Variants in RGS12 observed in about 807,000 individuals in gnomAD.
The protein encoded by RGS12 is regulator of G protein signaling 12.
Under a neutral mutation model 120.1 loss-of-function variants are expected in RGS12, and 66 were observed. The ratio of observed to expected loss-of-function variants is 0.55; its 90% CI spans 0.45 to 0.67. The LOEUF (loss-of-function observed/expected upper bound fraction) is 0.67, where lower values mean the gene tolerates loss of function less well. RGS12 is among the 30% of genes least tolerant of loss of function. The pLI, the probability that RGS12 is intolerant of heterozygous loss-of-function variation, is 0.00. For synonymous variants in RGS12, 827 were observed against 804.7 expected (o/e 1.03, Z -0.47); for missense variants, 1,859 against 1,957.7 (o/e 0.95, Z 0.95).
chr4:3,373,705 T>G (rs530022458), intron 3 of RGS12, among the ~76,000 whole-genome samples: 3 of 152,156 alleles, frequency 2.0e-5, no homozygotes, highest in Non-Finnish European at 4.4e-5. Flanking sequence ...GCTGTATCGG[T>G]CAGCTTACCT....
rs1722388303 is a variant in RGS12 at position 3,416,262 on chromosome 4, G to A, written c.2427+141G>A. The A allele has an allele frequency of 1.2e-5, 12 of 990,304 alleles. No individual in the cohort carries two copies. In the Middle Eastern group the frequency reaches 8.8e-4, roughly 73 times the overall value. 61.3% of individuals were successfully genotyped at this position (990,304 alleles called of 1,614,324 possible). A position where few individuals can be genotyped will look rare whatever the true frequency, so the allele number is the denominator to read the frequency against. On this transcript the variant is annotated intron_variant, in intron 7 of 17. Transcript: ENST00000336727. ...GCAGGTAGAGAAACGCAGACAGAAA[G>A]TGGGGCTTTCAGTAGGGTAGAGAAA... is the stretch of plus-strand genomic sequence containing the variant.
rs1578860455 is a variant in RGS12, at chr4:3,374,729, C to T, written c.1999-11687C>T. ...ACTTTCTCACCCCCATTGCTGCAGC[C>T]TGCCCTCGTCCCCATCTCTTGCCTG... On this transcript the variant is annotated intron_variant, in intron 3 of 17. Coordinates refer to ENST00000336727, the MANE Select transcript of RGS12 (RefSeq NM_001394154.1). This position sits in a 1 kb window ranked among gnomAD's most constrained non-coding sequence, Gnocchi z 6.3. Among the ~76,000 whole-genome samples the T allele has an allele frequency of 1.3e-5, 2 of 152,060 alleles. No individual in the cohort carries two copies. Among genetic ancestry groups the T allele is most frequent in the Admixed American group, 1.3e-4 (2 of 15,268 alleles).
intron 3 of RGS12, among the ~76,000 whole-genome samples, chr4:3,383,131 G>T (rs922213347): frequency 6.6e-6 from 1 of 152,112 alleles, no homozygotes; most frequent in Non-Finnish European, 1.5e-5. Context: ...TACTCCCCGA[G>T]GGCCATGGCT....
intron 3 of RGS12, among the ~76,000 whole-genome samples, chr4:3,360,321 TTTG>T (rs1202938624): frequency 6.6e-6 from 1 of 152,148 alleles, no homozygotes; most frequent in Non-Finnish European, 1.5e-5. Context: ...CCAACTAGGT[TTTG>T]TTAATTTTTT....
chr4:3,384,837 A>G (rs571461666), intron 3 of RGS12, among the ~76,000 whole-genome samples: 1 of 152,288 alleles, frequency 6.6e-6, no homozygotes, highest in South Asian at 2.1e-4. Flanking sequence ...TAGCTGGTGT[A>G]GGTCGCAGGG....
At position 3,417,448 on chromosome 4, in the gene RGS12, G is replaced by A. The variant is rs766046872; in HGVS notation, c.2668G>A (p.Glu890Lys). The A allele has an allele frequency of 1.7e-5, 27 of 1,611,692 alleles. No homozygotes were observed. Among genetic ancestry groups the A allele is most frequent in the Middle Eastern group, 1.6e-4 (1 of 6,070 alleles). The change falls in exon 9 of 18, where the codon GAG becomes AAG. Residue 890 changes from glutamate to lysine, a missense_variant. Transcript: ENST00000336727. ...TGAAGAGCTGGGGGATGAGGACAGC[G>A]AGAAGAAGCGGAAAGGCGCGTTTTT... ...LNEELGDEDS[E>K]KKRKGAFFSW...
chr4:3,302,105 C>T (rs1158044559), intron 1 of RGS12, among the ~76,000 whole-genome samples: 1 of 151,672 alleles, frequency 6.6e-6, no homozygotes, highest in African/African-American at 2.4e-5. Context: ...AAGTCAAATA[C>T]AAATGGAAAG....
At chr4:3,384,979 T>C (rs1718676360) in intron 3 of RGS12, among the ~76,000 whole-genome samples, 1 of 152,122 alleles carries the variant, frequency 6.6e-6, no homozygotes, top group Non-Finnish European at 1.5e-5. Context: ...AGAATTCCAG[T>C]GGGTGTACCG....
At chr4:3,338,326 T>G (rs879907021) in intron 2 of RGS12, among the ~76,000 whole-genome samples, 7 of 152,170 alleles carry the variant, frequency 4.6e-5, no homozygotes, top group Non-Finnish European at 7.4e-5. Flanking sequence ...TCCCAAAGAG[T>G]TGGGATTACA....
intron 3 of RGS12, among the ~76,000 whole-genome samples, chr4:3,380,662 C>T (rs112848912): frequency 0.012 from 1,760 of 152,374 alleles, 46 homozygotes; most frequent in African/African-American, 0.038. Flanking sequence ...GAGGCTTTCA[C>T]CCTCTGAAGC....
At chr4:3,344,183 G>A (rs1713563027) in intron 3 of RGS12, among the ~76,000 whole-genome samples, 3 of 152,184 alleles carry the variant, frequency 2.0e-5, no homozygotes, top group Admixed American at 2.0e-4. Context: ...GGGATGGCAG[G>A]GGTCCTGGGG....
rs200183470 is a variant in RGS12, at chr4:3,342,947, T to C, written c.1892T>C (p.Phe631Ser). The change falls in exon 3 of 18, where the codon TTT becomes TCT. Residue 631 changes from phenylalanine to serine, a missense_variant. Coordinates refer to ENST00000336727, the MANE Select transcript of RGS12 (RefSeq NM_001394154.1). ...KTKEDKKGSK[F>S]GRGTGLTQPS... ...TTTCTTCGTGTTTAGGGCTCAAAAT[T>C]TGGGCGGGGAACTGGACTCACTCAG... The C allele has an allele frequency of 1.5e-5, 25 of 1,613,474 alleles. No homozygotes were observed. In the East Asian group the frequency reaches 2.5e-4, roughly 16 times the overall value.
At chr4:3,352,020 T>C (rs953696683) in intron 3 of RGS12, among the ~76,000 whole-genome samples, 8 of 152,076 alleles carry the variant, frequency 5.3e-5, no homozygotes, top group African/African-American at 1.7e-4. Context: ...TATACAGATG[T>C]GTGTAAGCAA....
chr4:3,285,996 G>GGCT, the RGS12 span, among the ~76,000 whole-genome samples: 4 of 152,254 alleles, frequency 2.6e-5, no homozygotes, highest in Admixed American at 1.3e-4. Flanking sequence ...CGGTGTGCCG[G>GGCT]GCTGCGCTCC....
chr4:3,310,863 A>G (rs564197835), intron 1 of RGS12, among the ~76,000 whole-genome samples: 30 of 152,290 alleles, frequency 2.0e-4, no homozygotes, highest in African/African-American at 7.0e-4. Flanking sequence ...TCCTCTGTGC[A>G]TCCACGTAAG....
Position 3,316,985 on chromosome 4 carries a change from T to G in RGS12, c.815T>G (p.Val272Gly). ...GCAGAGCAGAAAATCCACTCGCTGG[T>G]GACCATGAAGATCATGCACGACTGT... ...LRAEQKIHSL[V>G]TMKIMHDCVQ... The change falls in exon 2 of 18, where the codon GTG (valine) becomes GGG (glycine). Residue 272 changes from valine to glycine, a missense_variant. By Grantham distance (109) the Val-to-Gly change is moderately radical. Around this residue, in one of 3 missense-constraint regions of RGS12, gnomAD observed 967 missense variants for 994.2 expected, o/e 0.97. Coordinates refer to ENST00000336727, the MANE Select transcript of RGS12 (RefSeq NM_001394154.1). 1 of 1,613,752 alleles carries G rather than the reference T, an allele frequency of 6.2e-7. No individual in the cohort carries two copies. The highest frequency in any genetic ancestry group is 8.5e-7 in the Non-Finnish European group (1 of 1,179,996).
intron 4 of RGS12, among the ~76,000 whole-genome samples, chr4:3,391,673 T>G (rs1719515578): frequency 6.6e-6 from 1 of 152,172 alleles, no homozygotes; most frequent in Non-Finnish European, 1.5e-5. Flanking sequence ...AGAAGCAGTG[T>G]CCGCCCTGTT....
chr4:3,332,809 T>A (rs145973387), intron 2 of RGS12, among the ~76,000 whole-genome samples: 375 of 152,350 alleles, frequency 2.5e-3, no homozygotes, highest in Non-Finnish European at 3.9e-3. Context: ...CTCCTATGGT[T>A]TACACTTTGT....
intron 17 of RGS12, chr4:3,431,982 C>A: frequency 1.0e-6 from 1 of 985,426 alleles, no homozygotes; most frequent in African/African-American, 1.7e-5. Flanking sequence ...GGAGGGGCTA[C>A]CTGGTCCCTT....
Sources: allele counts gnomAD v4.1 joint callset (sites outside exome capture counted in the v4.1 genomes callset), GRCh38; gene constraint gnomAD v4.1.1; regional missense constraint gnomAD v4.1.1; non-coding constraint Gnocchi (gnomAD v3.1); transcripts MANE v1.5; gene names NCBI Gene and HGNC (gene_info 2026-07-23, HGNC 2026-07-21).